Variants in TBC1D32 observed in about 807,000 individuals in gnomAD.
TBC1D32 encodes the protein protein broad-minded.
TBC1D32 carries 151 observed loss-of-function variants against 170.3 expected under a neutral mutation model. The observed-to-expected ratio is 0.89, with a 90% CI of 0.78 to 1.01. The LOEUF (loss-of-function observed/expected upper bound fraction) is 1.01, where lower values mean the gene tolerates loss of function less well. TBC1D32 is among the 50% of genes least tolerant of loss of function. The pLI, the probability that TBC1D32 is intolerant of heterozygous loss-of-function variation, is 0.00. For synonymous variants in TBC1D32, 498 were observed against 488.0 expected, an observed-to-expected ratio of 1.02 and a Z score of -0.27; for missense variants, 1,464 against 1,457.1, an observed-to-expected ratio of 1.00 and a Z score of -0.08.
At chr6:121,317,411 A>G in intron 3 of TBC1D32, 84 bp downstream of exon 3, 1 of 1,152,038 alleles carries the variant, frequency 8.7e-7, no homozygotes, top group Non-Finnish European at 1.2e-6. Flanking sequence ...GAAGGCAGGA[A>G]AAATATGGCT....
chr6:121,205,486 T>C (rs922092642), intron 21 of TBC1D32, among the ~76,000 whole-genome samples: 1 of 152,182 alleles, frequency 6.6e-6, no homozygotes, highest in South Asian at 2.1e-4. Flanking sequence ...GTGAGCACCT[T>C]ATACCATCAG....
chr6:121,155,411 G>C (rs943933749), intron 24 of TBC1D32, among the ~76,000 whole-genome samples: 2 of 151,940 alleles, frequency 1.3e-5, no homozygotes, highest in Admixed American at 6.6e-5. Flanking sequence ...AGAATCCTAG[G>C]GTTTTCTATG....
intron 22 of TBC1D32, among the ~76,000 whole-genome samples, chr6:121,172,746 A>C (rs12529567): frequency 5.3e-5 from 8 of 152,258 alleles, no homozygotes; most frequent in African/African-American, 1.9e-4. Flanking sequence ...TACTAAGAAA[A>C]TATCTTCATT....
At chr6:121,290,406 T>C (rs1804648849) in intron 12 of TBC1D32, among the ~76,000 whole-genome samples, 1 of 151,922 alleles carries the variant, frequency 6.6e-6, no homozygotes, top group African/African-American at 2.4e-5. Flanking sequence ...AAAATGCTCA[T>C]CATCACTGGC....
intron 26 of TBC1D32, among the ~76,000 whole-genome samples, chr6:121,120,666 C>T (rs1780163836): frequency 6.6e-6 from 1 of 151,958 alleles, no homozygotes; most frequent in African/African-American, 2.4e-5. Flanking sequence ...TGTTTTCTTT[C>T]CTCTATGCCT....
chr6:121,120,003 T>A (rs1029574745), intron 26 of TBC1D32, among the ~76,000 whole-genome samples: 1 of 152,056 alleles, frequency 6.6e-6, no homozygotes, highest in Non-Finnish European at 1.5e-5. Context: ...TTAAAGCAAA[T>A]ACAGTGAAAT....
chr6:121,118,027 G>A (rs1195754037), intron 26 of TBC1D32, among the ~76,000 whole-genome samples: 4 of 152,156 alleles, frequency 2.6e-5, no homozygotes, highest in Admixed American at 2.0e-4. Context: ...GGCTGGTAAC[G>A]AGTAATTAAT....
intron 30 of TBC1D32, among the ~76,000 whole-genome samples, chr6:121,102,298 A>G (rs566968301): frequency 6.6e-6 from 1 of 152,184 alleles, no homozygotes; most frequent in East Asian, 1.9e-4. Flanking sequence ...CTAAGCCAAA[A>G]GAACAAAGCT....
At chr6:121,189,835 C>T (rs1446757110) in intron 22 of TBC1D32, among the ~76,000 whole-genome samples, 1 of 152,038 alleles carries the variant, frequency 6.6e-6, no homozygotes, top group Non-Finnish European at 1.5e-5. Context: ...CCTGAAGAGA[C>T]TGCTAGGCCC....
intron 1 of TBC1D32, 38 bp from the exon 2 acceptor site, chr6:121,321,832 C>G: frequency 1.3e-6 from 2 of 1,547,254 alleles, no homozygotes; most frequent in Non-Finnish European, 1.7e-6. Flanking sequence ...CGGTAAATAT[C>G]ATAAGCATAT....
intron 24 of TBC1D32, among the ~76,000 whole-genome samples, chr6:121,141,503 T>C (rs1350677337): frequency 6.6e-6 from 1 of 152,122 alleles, no homozygotes; most frequent in Non-Finnish European, 1.5e-5. Context: ...GATGGAACAG[T>C]CACTCTCAAA....
intron 30 of TBC1D32, among the ~76,000 whole-genome samples, chr6:121,094,289 T>C (rs141827997): frequency 0.014 from 2,189 of 151,998 alleles, 38 homozygotes; most frequent in African/African-American, 0.042. Flanking sequence ...TGCCTCAGCC[T>C]CTTGAGTAGG....
intron 24 of TBC1D32, among the ~76,000 whole-genome samples, chr6:121,141,212 A>C (rs1194728382): frequency 1.3e-5 from 2 of 152,298 alleles, no homozygotes; most frequent in East Asian, 3.9e-4. Flanking sequence ...AAGGAAGAGA[A>C]GAAATATATT....
At chr6:121,231,594 A>C (rs756720426) in intron 20 of TBC1D32, among the ~76,000 whole-genome samples, 2 of 150,334 alleles carry the variant, frequency 1.3e-5, no homozygotes, top group Non-Finnish European at 3.0e-5. Flanking sequence ...TTTTTTTTTC[A>C]TTTTTTGATT....
chr6:121,213,526 A>C (rs1583243326), intron 21 of TBC1D32, among the ~76,000 whole-genome samples: 3 of 76,138 alleles, frequency 3.9e-5, no homozygotes, highest in Admixed American at 1.3e-4. Context: ...AAATAAAATA[A>C]ATAAAATAAA....
intron 24 of TBC1D32, among the ~76,000 whole-genome samples, chr6:121,133,225 T>C (rs927650587): frequency 6.6e-6 from 1 of 152,036 alleles, no homozygotes; most frequent in Non-Finnish European, 1.5e-5. Flanking sequence ...ATGTCTTACT[T>C]TTTTCTTAAA....
chr6:121,255,447 T>C, intron 16 of TBC1D32, 37 bp from the exon 17 acceptor site: 1 of 724,594 alleles, frequency 1.4e-6, no homozygotes. Flanking sequence ...TGCTTACTGA[T>C]AGCACTAGCC....
At chr6:121,174,697 A>C (rs1344453802) in intron 22 of TBC1D32, among the ~76,000 whole-genome samples, 1 of 152,202 alleles carries the variant, frequency 6.6e-6, no homozygotes, top group African/African-American at 2.4e-5. Context: ...AAGAAAGTCA[A>C]GACATAGACT....
At chr6:121,317,443 A>G in intron 3 of TBC1D32, 52 bp downstream of exon 3, 1 of 1,333,444 alleles carries the variant, frequency 7.5e-7, no homozygotes, top group Non-Finnish European at 1.0e-6. Flanking sequence ...TATTGAAGCT[A>G]ATTATTATTA....
Sources: allele counts gnomAD v4.1 joint callset (sites outside exome capture counted in the v4.1 genomes callset), GRCh38; gene constraint gnomAD v4.1.1; transcripts MANE v1.5; gene names NCBI Gene and HGNC (gene_info 2026-07-23, HGNC 2026-07-21).